The following FTO variants were observed in gnomAD, a reference collection of about 807,000 sequenced individuals.
FTO encodes the protein FTO alpha-ketoglutarate dependent dioxygenase, also known as alpha-ketoglutarate-dependent dioxygenase FTO.
In FTO, 47 loss-of-function variants were observed where a neutral mutation model predicts 63.9. The ratio of observed to expected loss-of-function variants is 0.74; its 90% CI spans 0.58 to 0.94. FTO has a LOEUF of 0.94. FTO is among the 40% of genes least tolerant of loss of function. The probability of loss-of-function intolerance (pLI) is 0.00; values close to 1 mark genes in which losing one functional copy is unlikely to be tolerated. For missense variants in FTO, 562 were observed against 618.1 expected, an observed-to-expected ratio of 0.91 and a Z score of 0.96; for synonymous variants, 207 against 224.4, an observed-to-expected ratio of 0.92 and a Z score of 0.69.
intron 8 of FTO, among the ~76,000 whole-genome samples, chr16:54,075,003 G>T (rs893127088): frequency 1.3e-5 from 2 of 151,058 alleles, no homozygotes; most frequent in South Asian, 2.1e-4. Flanking sequence ...GTATCTTTTT[G>T]ATTTAATTTG....
Position 53,852,735 on chromosome 16 carries a change from CA to C in FTO, c.895+8441del, listed in dbSNP as rs1339949230. Among the ~76,000 whole-genome samples, 17 of 152,250 alleles carry C rather than the reference CA, an allele frequency of 1.1e-4. No homozygotes were observed. The East Asian group carries it at 3.1e-3, about 28-fold the overall frequency. The stretch of plus-strand genomic sequence containing the variant: ...AAGATTTTATACTTAATCAAAAGCT[CA>C]AAATTATGTACATTTTAGCTTGCTT... On this transcript the variant is annotated intron_variant, in intron 4 of 8. Coordinates refer to ENST00000471389, the MANE Select transcript of FTO (RefSeq NM_001080432.3).
chr16:54,084,345 T>C (rs2086214387), intron 8 of FTO, among the ~76,000 whole-genome samples: 2 of 152,136 alleles, frequency 1.3e-5, no homozygotes, highest in Admixed American at 6.5e-5. Context: ...CAAGGACAAA[T>C]GTGTTTCTAG....
At chr16:53,989,618 A>T (rs2083754988) in intron 8 of FTO, among the ~76,000 whole-genome samples, 1 of 152,134 alleles carries the variant, frequency 6.6e-6, no homozygotes, top group Non-Finnish European at 1.5e-5. Context: ...TACTTTCAGC[A>T]AGTCACTTGT....
chr16:53,898,123 A>G (rs752024205), intron 7 of FTO, among the ~76,000 whole-genome samples: 5 of 152,076 alleles, frequency 3.3e-5, no homozygotes, highest in Non-Finnish European at 5.9e-5. Context: ...TTTCAAACCT[A>G]CTATCATGTT....
At chr16:53,982,397 G>A (rs1203836094) in intron 8 of FTO, among the ~76,000 whole-genome samples, 1 of 152,072 alleles carries the variant, frequency 6.6e-6, no homozygotes, top group Admixed American at 6.6e-5. Context: ...TCTTGATTAG[G>A]CCTTTTGTTC....
chr16:54,054,721 T>C (rs930427331), intron 8 of FTO: 5 of 152,144 alleles, frequency 3.3e-5, no homozygotes, highest in Non-Finnish European at 7.3e-5. Flanking sequence ...TCTCTGGAAG[T>C]GGCATACAGG....
intron 7 of FTO, among the ~76,000 whole-genome samples, chr16:53,913,323 G>T (rs1433823780): frequency 6.6e-6 from 1 of 152,202 alleles, no homozygotes; most frequent in African/African-American, 2.4e-5. Context: ...TGTATTTGAT[G>T]AGTCAGAGGG....
chr16:53,781,918 C>T (rs889763496), intron 1 of FTO, among the ~76,000 whole-genome samples: 3 of 152,066 alleles, frequency 2.0e-5, no homozygotes, highest in Admixed American at 6.6e-5. Flanking sequence ...TGTTTTGGCA[C>T]GTGAACTTCT....
At chr16:54,107,148 T>C (rs2086774102) in intron 8 of FTO, among the ~76,000 whole-genome samples, 2 of 151,034 alleles carry the variant, frequency 1.3e-5, no homozygotes, top group South Asian at 4.1e-4. Context: ...TTTATGTGTA[T>C]ATACATATTA....
At chr16:53,936,135 G>A (rs2082385382) in intron 8 of FTO, among the ~76,000 whole-genome samples, 1 of 152,192 alleles carries the variant, frequency 6.6e-6, no homozygotes, top group Admixed American at 6.5e-5. Context: ...GGCCCTTACT[G>A]CTAACAATTT....
intron 7 of FTO, among the ~76,000 whole-genome samples, chr16:53,912,805 G>A (rs949445367): frequency 4.6e-5 from 7 of 152,288 alleles, no homozygotes; most frequent in East Asian, 1.9e-4. Context: ...AGTCTGATAC[G>A]CCATCCAGTT....
chr16:53,783,609 A>T (rs1218833474), intron 1 of FTO, among the ~76,000 whole-genome samples: 8 of 146,978 alleles, frequency 5.4e-5, no homozygotes, highest in African/African-American at 2.0e-4. Context: ...CTCCATAAAA[A>T]AAAAAAAAAA....
At chr16:53,744,597 A>G (rs2151549979) in intron 1 of FTO, among the ~76,000 whole-genome samples, 1 of 152,214 alleles carries the variant, frequency 6.6e-6, no homozygotes, top group South Asian at 2.1e-4. Context: ...CACCCACAAG[A>G]TCTGCCTCCT....
chr16:54,059,323 C>T (rs1375407108), intron 8 of FTO, among the ~76,000 whole-genome samples: 4 of 152,168 alleles, frequency 2.6e-5, no homozygotes, highest in African/African-American at 4.8e-5. Flanking sequence ...AGGTTATGAT[C>T]GGCAATTACA....
intron 4 of FTO, among the ~76,000 whole-genome samples, chr16:53,852,610 C>G (rs559872794): frequency 6.6e-6 from 1 of 152,198 alleles, no homozygotes; most frequent in African/African-American, 2.4e-5. Flanking sequence ...TTGTTTATTG[C>G]AAAATGAGAT....
chr16:53,889,448 C>G (rs1265580119), intron 7 of FTO, among the ~76,000 whole-genome samples: 4 of 152,198 alleles, frequency 2.6e-5, no homozygotes, highest in African/African-American at 9.7e-5. Flanking sequence ...AGCTTATGCT[C>G]TCAACCACTG....
chr16:54,030,916 G>A (rs12445895), intron 8 of FTO, among the ~76,000 whole-genome samples: 11,798 of 152,204 alleles, frequency 0.078, 714 homozygotes, highest in African/African-American at 0.16. Context: ...GGGGTTCGTA[G>A]AGACCATTAT....
intron 1 of FTO, among the ~76,000 whole-genome samples, chr16:53,715,553 A>G (rs1444573720): frequency 1.3e-5 from 2 of 152,144 alleles, no homozygotes; most frequent in African/African-American, 4.8e-5. Context: ...GTTGTCTGAG[A>G]AAGTTTATGT....
intron 1 of FTO, among the ~76,000 whole-genome samples, chr16:53,794,345 A>T (rs1396676698): frequency 1.3e-5 from 2 of 152,238 alleles, no homozygotes; most frequent in Admixed American, 6.5e-5. Flanking sequence ...TAAAGAAAAA[A>T]GTCGTAGCTG....
Sources: gnomAD v4.1 joint callset for allele counts (sites outside exome capture counted in the v4.1 genomes callset) on GRCh38, gnomAD v4.1.1 for gene constraint, MANE v1.5 for transcripts, NCBI Gene and HGNC (gene_info 2026-07-23, HGNC 2026-07-21) for gene names.